ATP6V1C2: variants seen among roughly 807,000 people sequenced by gnomAD.
The protein encoded by ATP6V1C2 is V-type proton ATPase subunit C 2.
ATP6V1C2 carries 45 observed loss-of-function variants against 56.8 expected under a neutral mutation model. The ratio of observed to expected loss-of-function variants is 0.79; its 90% CI spans 0.62 to 1.02. The LOEUF is 1.02. Among genes scored for constraint, ATP6V1C2 ranks in the 50% least tolerant of loss-of-function variants. The pLI, the probability that ATP6V1C2 is intolerant of heterozygous loss-of-function variation, is 0.00. For synonymous variants in ATP6V1C2, 220 were observed against 201.3 expected, an observed-to-expected ratio of 1.09 and a Z score of -0.79; for missense variants, 463 against 519.7, an observed-to-expected ratio of 0.89 and a Z score of 1.06.
chr2:10,769,970 C>G (rs537813297), intron 6 of ATP6V1C2: 3 of 152,208 alleles, frequency 2.0e-5, no homozygotes, highest in Non-Finnish European at 4.4e-5. Flanking sequence ...CTGATTGGCC[C>G]ACTACTGTAA....
rs993045454 is a variant in ATP6V1C2 at position 10,777,594 on chromosome 2, T to C, written c.835T>C (p.Cys279Arg). Residue 279 changes from cysteine (C) to arginine (R), a missense_variant, in exon 11 of 14, where the codon TGT (cysteine) becomes CGT (arginine). Cys to Arg is a radical substitution (Grantham distance 180, BLOSUM62 -3). Coordinates refer to ENST00000272238, the MANE Select transcript of ATP6V1C2 (RefSeq NM_001039362.2). ...SDKKQQYQTS[C>R]VALKKGSSTF... ...ATTTCTGTGCCTTTAGCAAACTTCC[T>C]GTGTTGCTCTTAAAAAGGGATCATC... The C allele has an allele frequency of 2.5e-6, 4 of 1,611,536 alleles. No homozygotes were observed. Among genetic ancestry groups the C allele is most frequent in the African/African-American group, 2.7e-5 (2 of 74,784 alleles).
Position 10,763,202 on chromosome 2 carries a change from G to A in ATP6V1C2, c.284-1129G>A, listed in dbSNP as rs189623463. ...CCCTGACTCACAGTGCCCCGAGTAC[G>A]TAGCGCTGCCAGCCCTCCTCACCTG... On this transcript the variant is annotated intron_variant, in intron 4 of 13. Transcript: ENST00000272238. The surrounding 1 kb of genome is among the most constrained non-coding windows in gnomAD (Gnocchi z 4.2). 1.6e-3 allele frequency among the ~76,000 whole-genome samples: 247 copies of A among 152,246 alleles called. 1 individual carries two copies. The highest frequency in any genetic ancestry group is 0.01 in the Middle Eastern group (3 of 294).
chr2:10,780,014 T>C lies in ATP6V1C2; in HGVS notation c.1061+1345T>C, dbSNP rs1204413279. On this transcript the variant is annotated intron_variant, in intron 12 of 13. Transcript: ENST00000272238. The surrounding 1 kb of genome is among the most constrained non-coding windows in gnomAD (Gnocchi z 4.1). ...TGGGCTCCTCCAGCCCCTGAGACCC[T>C]CTGTGTGACCTTCCGGACCCCTTCC... Among the ~76,000 whole-genome samples the C allele has an allele frequency of 6.6e-6, 1 of 152,092 alleles. No homozygotes were observed. Among genetic ancestry groups the C allele is most frequent in the Non-Finnish European group, 1.5e-5 (1 of 68,012 alleles).
intron 1 of ATP6V1C2, 96 bp from the exon 2 acceptor site, chr2:10,722,728 A>C (rs1419407098): frequency 1.5e-6 from 2 of 1,342,216 alleles, no homozygotes; most frequent in African/African-American, 2.9e-5. Context: ...CATCCTAGAA[A>C]GGATGAATTG....
chr2:10,755,867 C>T (rs774366270), intron 4 of ATP6V1C2, among the ~76,000 whole-genome samples: 6 of 152,210 alleles, frequency 3.9e-5, no homozygotes, highest in African/African-American at 1.4e-4. Flanking sequence ...ATGTCTGCCT[C>T]GTTCGTGCTG....
chr2:10,737,435 GA>G (rs1262540664), intron 3 of ATP6V1C2, among the ~76,000 whole-genome samples: 1 of 150,050 alleles, frequency 6.7e-6, no homozygotes, highest in Non-Finnish European at 1.5e-5. Context: ...AAAAAAAAAG[GA>G]AAAAGAAAGA....
Position 10,763,791 on chromosome 2 carries a change from C to G in ATP6V1C2, c.284-540C>G, listed in dbSNP as rs1336807591. On this transcript the variant is annotated intron_variant, in intron 4 of 13. Transcript: ENST00000272238. The surrounding 1 kb of genome is among the most constrained non-coding windows in gnomAD (Gnocchi z 4.2). The stretch of plus-strand genomic sequence containing the variant: ...TGTGTCTCAGGTAGGGAAATTGATT[C>G]CCTCCTAGCCTAGAGCCCTGGGGGT... 1.3e-5 allele frequency among the ~76,000 whole-genome samples: 2 copies of G among 152,124 alleles called. No homozygotes were observed. Among genetic ancestry groups the G allele is most frequent in the East Asian group, 3.9e-4 (2 of 5,188 alleles).
intron 1 of ATP6V1C2, among the ~76,000 whole-genome samples, chr2:10,722,147 A>G (rs977284393): frequency 6.6e-6 from 1 of 152,056 alleles, no homozygotes; most frequent in East Asian, 1.9e-4. Flanking sequence ...GGGTGTGGAC[A>G]CCTGTGAAGG....
At chr2:10,749,757 A>G (rs896378212) in intron 3 of ATP6V1C2, among the ~76,000 whole-genome samples, 4 of 152,158 alleles carry the variant, frequency 2.6e-5, no homozygotes, top group Admixed American at 6.5e-5. Context: ...TTTTTTAACA[A>G]AGTTCAGTTT....
chr2:10,765,692 T>A (rs570561153), intron 5 of ATP6V1C2, among the ~76,000 whole-genome samples: 2 of 152,210 alleles, frequency 1.3e-5, no homozygotes, highest in African/African-American at 4.8e-5. Flanking sequence ...AGAGCACCTG[T>A]GCCAGGTGTG....
At chr2:10,739,562 G>T (rs1662435070) in intron 3 of ATP6V1C2, among the ~76,000 whole-genome samples, 1 of 151,892 alleles carries the variant, frequency 6.6e-6, no homozygotes, top group African/African-American at 2.4e-5. Context: ...AGCAGGGCAG[G>T]CTGCTTCTTA....
At chr2:10,755,948 A>G (rs1558406246) in intron 4 of ATP6V1C2, among the ~76,000 whole-genome samples, 1 of 152,230 alleles carries the variant, frequency 6.6e-6, no homozygotes, top group Non-Finnish European at 1.5e-5. Context: ...CAGTGCCTTT[A>G]AAGTGTGCAA....
chr2:10,727,897 C>A (rs1477009132), intron 3 of ATP6V1C2, among the ~76,000 whole-genome samples: 1 of 152,144 alleles, frequency 6.6e-6, no homozygotes, highest in Admixed American at 6.5e-5. Context: ...GAGCAAGACT[C>A]CGTCTCAAAA....
intron 3 of ATP6V1C2, among the ~76,000 whole-genome samples, chr2:10,744,499 C>G (rs1156665674): frequency 1.3e-5 from 2 of 152,074 alleles, no homozygotes; most frequent in African/African-American, 4.8e-5. Context: ...GAGCATTTGA[C>G]CAGGCCTCCT....
In ATP6V1C2 at chr2:10,722,917, A is replaced by C; in HGVS notation, c.68A>C (p.Asn23Thr). ...AATTTGCAAGCTCTGGAGAGGATGA[A>C]TACTGTAACCTCCAAGTCCAACCTG... The part of the protein sequence containing the change: ...KENLQALERM[N>T]TVTSKSNLSY... Residue 23 changes from asparagine to threonine, a missense_variant, in exon 2 of 14, where the codon AAT (asparagine) becomes ACT (threonine). Coordinates refer to ENST00000272238, the MANE Select transcript of ATP6V1C2 (RefSeq NM_001039362.2). The C allele has an allele frequency of 6.2e-7, 1 of 1,614,124 alleles. No homozygotes were observed. Among genetic ancestry groups the C allele is most frequent in the Non-Finnish European group, 8.5e-7 (1 of 1,180,024 alleles).
intron 3 of ATP6V1C2, among the ~76,000 whole-genome samples, chr2:10,728,645 A>G (rs1255629844): frequency 1.3e-5 from 2 of 151,950 alleles, no homozygotes; most frequent in Non-Finnish European, 2.9e-5. Context: ...GTATGGTGGT[A>G]TGTGCCTGTA....
chr2:10,751,766 G>A (rs946450122), intron 3 of ATP6V1C2, among the ~76,000 whole-genome samples: 6 of 152,128 alleles, frequency 3.9e-5, no homozygotes, highest in Non-Finnish European at 8.8e-5. Flanking sequence ...TAGAATGTTT[G>A]ATACTTGCTC....
chr2:10,767,709 C>G (rs1189207147), intron 5 of ATP6V1C2, among the ~76,000 whole-genome samples: 11 of 152,194 alleles, frequency 7.2e-5, no homozygotes, highest in Admixed American at 7.2e-4. Context: ...CTGCCCGCCT[C>G]GGCCTCCCAA....
Position 10,782,311 on chromosome 2 carries a change from TAA to T in ATP6V1C2, c.1131_1132del (p.Glu379GlyfsTer11). On this transcript the variant is annotated frameshift_variant, in exon 13 of 14. Transcript: ENST00000272238. LOFTEE classifies it high-confidence loss of function. Reference sequence around the variant, plus strand: ...CATAAGAAGTCATCCACCAAGCGTTTAAGAGAGGTTCTAAACTCTGTCTTCCG... The same window carrying T: ...CATAAGAAGTCATCCACCAAGCGTTTGAGAGGTTCTAAACTCTGTCTTCCG... The T allele has an allele frequency of 6.2e-7, 1 of 1,614,190 alleles. No individual in the cohort carries two copies. Among genetic ancestry groups the T allele is most frequent in the East Asian group, 2.2e-5 (1 of 44,884 alleles).
Sources: gnomAD v4.1 joint callset for allele counts (sites outside exome capture counted in the v4.1 genomes callset) on GRCh38, gnomAD v4.1.1 for gene constraint, Gnocchi (gnomAD v3.1) non-coding constraint, MANE v1.5 for transcripts, NCBI Gene and HGNC (gene_info 2026-07-23, HGNC 2026-07-21) for gene names.